The following ZNF107 variants were observed in gnomAD, a reference collection of about 807,000 sequenced individuals.
ZNF107 encodes C2H2 type zinc-finger protein.
ZNF107 carries 19 observed loss-of-function variants against 12.3 expected under a neutral mutation model. The ratio of observed to expected loss-of-function variants is 1.55; its 90% CI spans 1.08 to 2.27. The LOEUF (loss-of-function observed/expected upper bound fraction) is 2.27. Among genes scored for constraint, ZNF107 ranks in the 30% most tolerant of loss-of-function variants. The pLI is 0.00. For missense variants in ZNF107, 958 were observed against 979.9 expected, an observed-to-expected ratio of 0.98 and a Z score of 0.30; for synonymous variants, 317 against 330.5, an observed-to-expected ratio of 0.96 and a Z score of 0.44.
intron 1 of ZNF107, among the ~76,000 whole-genome samples, chr7:64,676,781 G>A (rs930812935): frequency 6.6e-6 from 1 of 152,130 alleles, no homozygotes. Flanking sequence ...AATGTAAATT[G>A]ATAGTTTATA....
rs1490232075 is a variant in ZNF107, at chr7:64,710,974, A to AT, written c.*2319dup. 1.3e-5 allele frequency: 2 copies of AT among 152,198 alleles called. No individual in the cohort carries two copies. Among genetic ancestry groups the AT allele is most frequent in the Non-Finnish European group, 2.9e-5 (2 of 68,000 alleles). The allele number at this position is 152,198 out of a possible 1,614,324, so 9.4% of individuals were successfully genotyped here. On this transcript the variant is annotated 3_prime_UTR_variant, in exon 4 of 4. Coordinates refer to ENST00000620827, the MANE Select transcript of ZNF107 (RefSeq NM_001282359.2). Reference sequence around the variant, plus strand: ...GTTAAAATTAAAGTGAATTAGTAGTATATCATTTTACTATTTGTACTTTTA... The same window carrying AT: ...GTTAAAATTAAAGTGAATTAGTAGTATTATCATTTTACTATTTGTACTTTTA...
chr7:64,692,575 A>G (rs1490162614), intron 3 of ZNF107, among the ~76,000 whole-genome samples: 3 of 152,178 alleles, frequency 2.0e-5, no homozygotes, highest in African/African-American at 7.2e-5. Context: ...TGGAATTTCA[A>G]TAGGGAGTTT....
intron 3 of ZNF107, among the ~76,000 whole-genome samples, chr7:64,698,672 C>T (rs922143679): frequency 4.6e-5 from 7 of 152,170 alleles, no homozygotes; most frequent in African/African-American, 1.7e-4. Flanking sequence ...CTGCCCACCT[C>T]AGCCTCCCAA....
At chr7:64,705,214 T>C (rs1562844117) in intron 3 of ZNF107, among the ~76,000 whole-genome samples, 1 of 152,158 alleles carries the variant, frequency 6.6e-6, no homozygotes, top group Non-Finnish European at 1.5e-5. Context: ...GAAATTTTGC[T>C]TATATATGTT....
At chr7:64,692,501 A>G (rs1010626121) in intron 3 of ZNF107, among the ~76,000 whole-genome samples, 1 of 152,060 alleles carries the variant, frequency 6.6e-6, no homozygotes, top group Non-Finnish European at 1.5e-5. Context: ...GGCTCTTCAA[A>G]GTTTATTGTA....
chr7:64,693,255 T>C (rs1213180893), intron 3 of ZNF107, among the ~76,000 whole-genome samples: 1 of 149,250 alleles, frequency 6.7e-6, no homozygotes, highest in Non-Finnish European at 1.5e-5. Flanking sequence ...CCTCATGATC[T>C]GCCCGTCTCG....
chr7:64,685,640 T>A (rs541211725), intron 1 of ZNF107, among the ~76,000 whole-genome samples: 3 of 152,192 alleles, frequency 2.0e-5, no homozygotes, highest in Admixed American at 6.5e-5. Flanking sequence ...TTTCAGCCGC[T>A]CACTGGGGCC....
At chr7:64,667,434 G>A (rs765828691) in intron 1 of ZNF107, among the ~76,000 whole-genome samples, 1 of 150,548 alleles carries the variant, frequency 6.6e-6, no homozygotes, top group Non-Finnish European at 1.5e-5. Flanking sequence ...GTAAAAAAAA[G>A]TCTGTGCCTA....
At chr7:64,693,148 T>G (rs1056488409) in intron 3 of ZNF107, among the ~76,000 whole-genome samples, 6 of 148,082 alleles carry the variant, frequency 4.1e-5, no homozygotes, top group Admixed American at 3.4e-4. Context: ...ACAGGCGCCC[T>G]CTACCACACT....
At chr7:64,690,179 A>T (rs1010332646) in intron 1 of ZNF107, 1 of 208,066 alleles carries the variant, frequency 4.8e-6, no homozygotes, top group Admixed American at 6.5e-5. Flanking sequence ...ATTTGAATGA[A>T]TGTTTATGAC....
chr7:64,693,256 G>A lies in ZNF107; in HGVS notation c.226+1296G>A, dbSNP rs1176087960. ...TCTCGATCTCCTGACCTCATGATCT[G>A]CCCGTCTCGGCCTCCCAAAGTGCTG... On this transcript the variant is annotated intron_variant, in intron 3 of 3. Transcript: ENST00000620827. Among the ~76,000 whole-genome samples the A allele has an allele frequency of 2.8e-5, 4 of 142,170 alleles. No homozygotes were observed. In the East Asian group the frequency reaches 6.1e-4, roughly 22 times the overall value. 93.3% of individuals were successfully genotyped at this position (142,170 alleles called of 152,430 possible).
At chr7:64,698,425 C>CA (rs1386321758) in intron 3 of ZNF107, among the ~76,000 whole-genome samples, 2 of 145,212 alleles carry the variant, frequency 1.4e-5, no homozygotes, top group African/African-American at 5.0e-5. Context: ...TTGAATTTTT[C>CA]TTTTTTTTTT....
intron 1 of ZNF107, among the ~76,000 whole-genome samples, chr7:64,679,908 A>G (rs1390577927): frequency 6.6e-6 from 1 of 151,874 alleles, no homozygotes; most frequent in Non-Finnish European, 1.5e-5. Context: ...TCCCAATGCA[A>G]TTTGTCTCAA....
At chr7:64,700,002 G>A (rs1409904812) in intron 3 of ZNF107, among the ~76,000 whole-genome samples, 1 of 139,354 alleles carries the variant, frequency 7.2e-6, no homozygotes, top group Non-Finnish European at 1.5e-5. Context: ...AGGAGGCGGA[G>A]CTTGCAGTGA....
intron 3 of ZNF107, among the ~76,000 whole-genome samples, chr7:64,703,816 A>G (rs1442549888): frequency 1.3e-5 from 2 of 152,226 alleles, no homozygotes; most frequent in East Asian, 3.9e-4. Flanking sequence ...AAGACTTGCT[A>G]ACGTTATTGT....
At chr7:64,706,067 C>G (rs1330687588) in intron 3 of ZNF107, among the ~76,000 whole-genome samples, 3 of 150,314 alleles carry the variant, frequency 2.0e-5, no homozygotes, top group East Asian at 1.9e-4. Flanking sequence ...ACAGACTTGT[C>G]TCTTTCTTCT....
chr7:64,710,691 A>G lies in ZNF107; in HGVS notation c.*2035A>G, dbSNP rs1790857454. On this transcript the variant is annotated 3_prime_UTR_variant, in exon 4 of 4. Coordinates refer to ENST00000620827, the MANE Select transcript of ZNF107 (RefSeq NM_001282359.2). ...AATTCAACTCAAATTCATGCTCTTC[A>G]TTCCTATTGTATTCACATGTGAAAG... 1 of 152,016 alleles carries G rather than the reference A, an allele frequency of 6.6e-6. No homozygotes were observed. Among genetic ancestry groups the G allele is most frequent in the Non-Finnish European group, 1.5e-5 (1 of 67,940 alleles). 9.4% of individuals were successfully genotyped at this position (152,016 alleles called of 1,614,324 possible). A position where few individuals can be genotyped will look rare whatever the true frequency, so the allele number is the denominator to read the frequency against.
rs1176731041 is a variant in ZNF107, at chr7:64,708,577, A to C, written c.2480A>C (p.Asn827Thr). ...YKCGDYGRAF[N>T]LSSNLTTHKK... The stretch of plus-strand genomic sequence containing the variant: ...TGTGGAGATTATGGCAGAGCTTTCA[A>C]CCTATCCTCAAATCTTACTACACAT... Residue 827 changes from asparagine (N) to threonine (T), a missense_variant, in exon 4 of 4, where the codon AAC becomes ACC. Asn to Thr is a moderately conservative substitution (Grantham distance 65). Transcript: ENST00000620827. 1.1e-5 allele frequency: 18 copies of C among 1,612,628 alleles called. No individual in the cohort carries two copies. In the East Asian group the frequency reaches 3.8e-4, roughly 34 times the overall value.
chr7:64,685,908 A>G (rs1789888013), intron 1 of ZNF107, among the ~76,000 whole-genome samples: 1 of 152,124 alleles, frequency 6.6e-6, no homozygotes, highest in South Asian at 2.1e-4. Context: ...CTGTGCAGAT[A>G]ATACCCTTGC....
Sources: allele counts gnomAD v4.1 joint callset (sites outside exome capture counted in the v4.1 genomes callset), GRCh38; gene constraint gnomAD v4.1.1; transcripts MANE v1.5; gene names NCBI Gene and HGNC (gene_info 2026-07-23, HGNC 2026-07-21).